JPT1: variants seen among roughly 807,000 people sequenced by gnomAD.
JPT1 encodes the protein androgen-regulated protein 2.
JPT1 carries 5 observed loss-of-function variants against 17.0 expected under a neutral mutation model. That is an observed-to-expected ratio of 0.29 (90% CI 0.15 to 0.62). The LOEUF is 0.62. JPT1 is among the 20% of genes least tolerant of loss of function. The pLI, the probability that JPT1 is intolerant of heterozygous loss-of-function variation, is 0.85. For synonymous variants in JPT1, 71 were observed against 73.6 expected (o/e 0.96, Z 0.18); for missense variants, 158 against 188.1 (o/e 0.84, Z 0.94).
rs898756582 is a variant in JPT1, at chr17:75,154,268, C to G, written c.56+74G>C. ...GGGGCTCGTTACCCGCAACGACCGG[C>G]GCGAGGCCCCGCCGGCAGCGGCCCT... On this transcript the variant is annotated intron_variant, in intron 1 of 4. Transcript: ENST00000409753. The G allele has an allele frequency of 3.2e-6, 4 of 1,244,068 alleles. No homozygotes were observed. The African/African-American group carries it at 4.8e-5, about 15-fold the overall frequency. 77.1% of individuals were successfully genotyped at this position (1,244,068 alleles called of 1,614,324 possible). A position where few individuals can be genotyped will look rare whatever the true frequency, so the allele number is the denominator to read the frequency against.
chr17:75,144,039 G>A (rs908328944), intron 4 of JPT1, among the ~76,000 whole-genome samples: 2 of 135,858 alleles, frequency 1.5e-5, no homozygotes, highest in Non-Finnish European at 3.4e-5. Flanking sequence ...ACACCCAGAA[G>A]GATGGATTCT....
chr17:75,138,226 G>T (rs2145159469), intron 4 of JPT1, among the ~76,000 whole-genome samples: 1 of 152,174 alleles, frequency 6.6e-6, no homozygotes, highest in South Asian at 2.1e-4. Context: ...GCCTCCCAAG[G>T]TGCTGGGATT....
In JPT1 at chr17:75,135,892, T is replaced by C. The variant is rs1243378357; in HGVS notation, c.*210A>G. ...TCACAAAGCTTTCCCTCCAATCTAC[T>C]ACTAGAAAACACTCATGCCATGGCC... On this transcript the variant is annotated 3_prime_UTR_variant, in exon 5 of 5. Transcript: ENST00000409753. The C allele has an allele frequency of 2.0e-6, 2 of 995,218 alleles. No individual in the cohort carries two copies. Among genetic ancestry groups the C allele is most frequent in the African/African-American group, 1.6e-5 (1 of 60,618 alleles). The allele number at this position is 995,218 out of a possible 1,614,324, so 61.6% of individuals were successfully genotyped here. A position where few individuals can be genotyped will look rare whatever the true frequency, so the allele number is the denominator to read the frequency against.
chr17:75,150,859 T>TTTTTTTTTGTTTTG lies in JPT1; in HGVS notation c.57-2189_57-2188insCAAAACAAAAAAAA, dbSNP rs1555652359. 2.9e-5 allele frequency among the ~76,000 whole-genome samples: 4 copies of TTTTTTTTTGTTTTG among 140,194 alleles called. No homozygotes were observed. The East Asian group carries it at 6.1e-4, about 21-fold the overall frequency. 92.0% of individuals were successfully genotyped at this position (140,194 alleles called of 152,430 possible). ...AACATTTTTCTTTCTTTTTTTTTTT[T>TTTTTTTTTGTTTTG]TTTTTTTTTTTTGAGACAGAATCCT... is the stretch of plus-strand genomic sequence containing the variant. On this transcript the variant is annotated intron_variant, in intron 1 of 4. Transcript: ENST00000409753.
At chr17:75,140,021 G>A (rs2074278323) in intron 4 of JPT1, among the ~76,000 whole-genome samples, 2 of 151,984 alleles carry the variant, frequency 1.3e-5, no homozygotes, top group East Asian at 1.9e-4. Context: ...AGGTTCAAGC[G>A]ATTCTCCTGC....
rs1020795808 is a variant in JPT1 at position 75,154,500 on chromosome 17, A to G, written c.-103T>C. On this transcript the variant is annotated 5_prime_UTR_variant, in exon 1 of 5. Coordinates refer to ENST00000409753, the MANE Select transcript of JPT1 (RefSeq NM_016185.4). ...ACACCCAACAGCCGACCACCGCTGC[A>G]GGAGCCGCCGCTGCCGCCTGTCCGG... The G allele has an allele frequency of 9.3e-6, 10 of 1,080,196 alleles. No homozygotes were observed. The highest frequency in any genetic ancestry group is 2.4e-5 in the Admixed American group (1 of 41,252). The allele number at this position is 1,080,196 out of a possible 1,614,324, so 66.9% of individuals were successfully genotyped here. A position where few individuals can be genotyped will look rare whatever the true frequency, so the allele number is the denominator to read the frequency against.
At chr17:75,154,258 C>T (rs2074599776) in intron 1 of JPT1, 84 bp downstream of exon 1, 2 of 1,144,600 alleles carry the variant, frequency 1.7e-6, no homozygotes, top group Non-Finnish European at 2.3e-6. Flanking sequence ...TCGTTACCCG[C>T]AACGACCGGC....
chr17:75,137,970 A>G (rs2074239115), intron 4 of JPT1, among the ~76,000 whole-genome samples: 1 of 147,662 alleles, frequency 6.8e-6, no homozygotes. Flanking sequence ...TTTTTTCTTT[A>G]GTTGAGATGG....
At chr17:75,148,962 T>C (rs62085024) in intron 1 of JPT1, 193,019 of 1,249,692 alleles carry the variant, frequency 0.15, 16,217 homozygotes, top group Non-Finnish European at 0.17. Flanking sequence ...GTGTCCCCTT[T>C]TCAGAAATGG....
chr17:75,147,634 G>A lies in JPT1; in HGVS notation c.219C>T (p.Gly73=), dbSNP rs1568034978. 6.2e-7 allele frequency: 1 copy of A among 1,613,122 alleles called. No individual in the cohort carries two copies. The highest frequency in any genetic ancestry group is 8.5e-7 in the Non-Finnish European group (1 of 1,179,198). The part of the protein sequence containing the change: ...AKSAGAKSSG[G]REDLESSGLQ... ...GTCCAGATGACTCCAAGTCTTCCCT[G>A]CCACCACTAGACTTGGCACCTAAAA... is the stretch of plus-strand genomic sequence containing the variant. Residue 73 remains glycine (G), a synonymous_variant, in exon 3 of 5, where the codon GGC becomes GGT. Transcript: ENST00000409753.
chr17:75,143,069 G>C (rs770456739), intron 4 of JPT1, among the ~76,000 whole-genome samples: 1 of 152,132 alleles, frequency 6.6e-6, no homozygotes, highest in Non-Finnish European at 1.5e-5. Flanking sequence ...CTGATGGCAG[G>C]TCAAAAGACC....
chr17:75,143,202 CTT>C (rs1028575658), intron 4 of JPT1, among the ~76,000 whole-genome samples: 5 of 152,158 alleles, frequency 3.3e-5, no homozygotes, highest in African/African-American at 1.2e-4. Flanking sequence ...GAAATCAAAC[CTT>C]TTTTGTCTAA....
chr17:75,135,853 C>A lies in JPT1; in HGVS notation c.*249G>T. ...GAACCAAATTATTTCTTCTTAAAAA[C>A]ACAGTACTAAGTGTCACAAAGCTTT... On this transcript the variant is annotated 3_prime_UTR_variant, in exon 5 of 5. Coordinates refer to ENST00000409753, the MANE Select transcript of JPT1 (RefSeq NM_016185.4). 2.9e-6 allele frequency: 2 copies of A among 699,668 alleles called. No individual in the cohort carries two copies. The highest frequency in any genetic ancestry group is 2.1e-5 in the South Asian group (1 of 46,940). 43.3% of individuals were successfully genotyped at this position (699,668 alleles called of 1,614,324 possible). A position where few individuals can be genotyped will look rare whatever the true frequency, so the allele number is the denominator to read the frequency against.
At chr17:75,143,812 G>A (rs1291476528) in intron 4 of JPT1, among the ~76,000 whole-genome samples, 2 of 152,000 alleles carry the variant, frequency 1.3e-5, no homozygotes, top group Non-Finnish European at 2.9e-5. Flanking sequence ...CTCCAGCCTG[G>A]GTGACAGAGA....
At chr17:75,141,865 T>A (rs1319467776) in intron 4 of JPT1, among the ~76,000 whole-genome samples, 2 of 151,858 alleles carry the variant, frequency 1.3e-5, no homozygotes, top group African/African-American at 2.4e-5. Context: ...GGTCAGGAGT[T>A]CGAGACCAGC....
chr17:75,136,911 T>C (rs1362967354), intron 4 of JPT1, among the ~76,000 whole-genome samples: 1 of 152,246 alleles, frequency 6.6e-6, no homozygotes, highest in African/African-American at 2.4e-5. Context: ...TGCAGCCTTC[T>C]AGTCCACTTG....
intron 2 of JPT1, 111 bp downstream of exon 2, chr17:75,148,418 G>T: frequency 7.6e-7 from 1 of 1,317,018 alleles, no homozygotes; most frequent in Non-Finnish European, 1.0e-6. Flanking sequence ...GCTAATTTTT[G>T]TTTTGTTTTG....
Position 75,147,617 on chromosome 17 carries a change from G to A in JPT1, c.236C>T (p.Ser79Leu), listed in dbSNP as rs1336757472. Residue 79 changes from serine to leucine, a missense_variant, in exon 3 of 5, where the codon TCA becomes TTA. Ser to Leu is a moderately radical substitution (Grantham distance 145). Coordinates refer to ENST00000409753, the MANE Select transcript of JPT1 (RefSeq NM_016185.4). Reference sequence around the variant, plus strand: ...GGAGTTCCTTCTCTGCAGTCCAGATGACTCCAAGTCTTCCCTGCCACCACT... The same window carrying A: ...GGAGTTCCTTCTCTGCAGTCCAGATAACTCCAAGTCTTCCCTGCCACCACT... ...KSSGGREDLE[S>L]SGLQRRNSSE... The A allele has an allele frequency of 1.9e-6, 3 of 1,613,958 alleles. No homozygotes were observed. Among genetic ancestry groups the A allele is most frequent in the Admixed American group, 3.3e-5 (2 of 60,022 alleles).
At chr17:75,149,643 A>G (rs112356717) in intron 1 of JPT1, among the ~76,000 whole-genome samples, 2 of 152,318 alleles carry the variant, frequency 1.3e-5, no homozygotes, top group African/African-American at 4.8e-5. Flanking sequence ...CTAGGATTAC[A>G]GGCATGAGCC....
Sources: allele counts gnomAD v4.1 joint callset (sites outside exome capture counted in the v4.1 genomes callset), GRCh38; gene constraint gnomAD v4.1.1; transcripts MANE v1.5; gene names NCBI Gene and HGNC (gene_info 2026-07-23, HGNC 2026-07-21).